Variants in ESR1 observed in about 807,000 individuals in gnomAD.
The protein encoded by ESR1 is estrogen receptor.
In ESR1, 12 loss-of-function variants were observed where a neutral mutation model predicts 52.7. That is an observed-to-expected ratio of 0.23 (90% CI 0.15 to 0.37). The LOEUF (loss-of-function observed/expected upper bound fraction) is 0.37. Among genes scored for constraint, ESR1 ranks in the 10% least tolerant of loss-of-function variants. The pLI, the probability that ESR1 is intolerant of heterozygous loss-of-function variation, is 1.00. For missense variants in ESR1, 584 were observed against 779.7 expected, an observed-to-expected ratio of 0.75 and a Z score of 2.99; for synonymous variants, 305 against 316.8, an observed-to-expected ratio of 0.96 and a Z score of 0.39.
intron 1 of ESR1, among the ~76,000 whole-genome samples, chr6:151,668,323 G>A (rs1777903021): frequency 6.6e-6 from 1 of 151,908 alleles, no homozygotes; most frequent in African/African-American, 2.4e-5. Flanking sequence ...CTGTCACCCA[G>A]GCTGGAGTGC....
chr6:151,838,896 C>A (rs1399953480), intron 1 of ESR1, among the ~76,000 whole-genome samples: 1 of 152,128 alleles, frequency 6.6e-6, no homozygotes, highest in African/African-American at 2.4e-5. Context: ...TGGCATTTTG[C>A]TGACAGCATA....
intron 1 of ESR1, among the ~76,000 whole-genome samples, chr6:151,835,827 G>A (rs894121546): frequency 6.6e-6 from 1 of 151,916 alleles, no homozygotes; most frequent in Non-Finnish European, 1.5e-5. Context: ...TGAGTTTCCC[G>A]GTTTATCACT....
intron 3 of ESR1, among the ~76,000 whole-genome samples, chr6:151,940,099 A>C (rs2034874424): frequency 6.6e-6 from 1 of 152,190 alleles, no homozygotes; most frequent in Non-Finnish European, 1.5e-5. Flanking sequence ...GAGGCCTCAC[A>C]GTCATGGCAG....
chr6:152,127,799 T>C (rs978236625), exon 7 of ESR1: 4 of 152,150 alleles, frequency 2.6e-5, no homozygotes, highest in African/African-American at 9.7e-5. Flanking sequence ...AACTGAGTAG[T>C]GTTTATAGTG....
chr6:151,856,800 C>T (rs781090035), intron 2 of ESR1, among the ~76,000 whole-genome samples: 1 of 152,090 alleles, frequency 6.6e-6, no homozygotes, highest in Non-Finnish European at 1.5e-5. Context: ...GCTGGAAGAG[C>T]AAGGTGTGTG....
At chr6:151,948,676 A>G (rs2035983544) in intron 4 of ESR1, among the ~76,000 whole-genome samples, 2 of 152,072 alleles carry the variant, frequency 1.3e-5, no homozygotes, top group South Asian at 4.1e-4. Flanking sequence ...ACTCCCTGTC[A>G]TTTACTTCAG....
At chr6:151,793,990 T>G (rs1011198483) in intron 2 of ESR1, among the ~76,000 whole-genome samples, 3 of 152,224 alleles carry the variant, frequency 2.0e-5, no homozygotes, top group Admixed American at 1.3e-4. Context: ...TCTGTAGTGA[T>G]AGGCTATTTA....
intron 1 of ESR1, among the ~76,000 whole-genome samples, chr6:151,700,009 C>T (rs958668879): frequency 6.7e-6 from 1 of 150,056 alleles, no homozygotes; most frequent in Non-Finnish European, 1.5e-5. Context: ...GTCCACAGTC[C>T]AAATTTACTG....
chr6:151,670,414 A>G (rs1778008029), intron 1 of ESR1, among the ~76,000 whole-genome samples: 1 of 152,038 alleles, frequency 6.6e-6, no homozygotes, highest in Non-Finnish European at 1.5e-5. Flanking sequence ...GCCTCTCTTC[A>G]CCAACGTATA....
intron 6 of ESR1, among the ~76,000 whole-genome samples, chr6:152,079,170 A>T (rs932215748): frequency 6.6e-6 from 1 of 152,038 alleles, no homozygotes; most frequent in Non-Finnish European, 1.5e-5. Context: ...GAACCAAGAG[A>T]CCGCCACCTC....
chr6:151,856,087 G>T (rs531048051), intron 2 of ESR1, among the ~76,000 whole-genome samples: 274 of 152,238 alleles, frequency 1.8e-3, no homozygotes, highest in Non-Finnish European at 3.2e-3. Context: ...AATCTATTTT[G>T]CATCCAGAGA....
intron 3 of ESR1, among the ~76,000 whole-genome samples, chr6:151,904,554 G>T (rs1226931771): frequency 1.3e-5 from 2 of 152,068 alleles, no homozygotes; most frequent in Non-Finnish European, 2.9e-5. Flanking sequence ...GTTCCATCAT[G>T]AATTTTCCAG....
At chr6:152,059,771 AT>A (rs2047403626) in intron 5 of ESR1, among the ~76,000 whole-genome samples, 1 of 152,202 alleles carries the variant, frequency 6.6e-6, no homozygotes, top group Non-Finnish European at 1.5e-5. Context: ...AAGGATAGTC[AT>A]TGAATGAAAT....
At chr6:151,700,076 T>TG (rs1199785503) in intron 1 of ESR1, among the ~76,000 whole-genome samples, 93 of 143,364 alleles carry the variant, frequency 6.5e-4, no homozygotes, top group African/African-American at 2.1e-3. Flanking sequence ...AGAGGACAAG[T>TG]GAAAAAAAAA....
chr6:151,938,874 G>A (rs1015630724), intron 3 of ESR1, among the ~76,000 whole-genome samples: 1 of 152,190 alleles, frequency 6.6e-6, no homozygotes, highest in South Asian at 2.1e-4. Context: ...CTTACAGTGG[G>A]CTTGCAGGAT....
At chr6:152,039,722 G>T (rs1007162381) in intron 5 of ESR1, among the ~76,000 whole-genome samples, 5 of 152,088 alleles carry the variant, frequency 3.3e-5, no homozygotes, top group African/African-American at 9.7e-5. Context: ...AGCATACACA[G>T]CCTTCTGGAA....
chr6:151,711,772 G>A (rs1361676032), intron 2 of ESR1, among the ~76,000 whole-genome samples: 2 of 152,098 alleles, frequency 1.3e-5, no homozygotes, highest in East Asian at 1.9e-4. Context: ...GAGAGATTAC[G>A]AAATTTTTCC....
chr6:152,008,077 A>G lies in ESR1; in HGVS notation c.1097-3579A>G, dbSNP rs529549173. ...TTTTTCTCCATTGGCTATGAACTGA[A>G]GGCATCTCATGGATATTTATTCCAC... On this transcript the variant is annotated intron_variant, in intron 4 of 7. Transcript: ENST00000206249. Among the ~76,000 whole-genome samples, 20 of 152,210 alleles carry G rather than the reference A, an allele frequency of 1.3e-4. 1 individual carries two copies. In the South Asian group the frequency reaches 3.3e-3, roughly 25 times the overall value.
intron 6 of ESR1, among the ~76,000 whole-genome samples, chr6:152,081,882 G>T (rs1296388770): frequency 6.6e-6 from 1 of 152,100 alleles, no homozygotes; most frequent in Non-Finnish European, 1.5e-5. Context: ...TAGAAGAAAT[G>T]GATAAATTCC....
Sources: gnomAD v4.1 joint callset for allele counts (sites outside exome capture counted in the v4.1 genomes callset) on GRCh38, gnomAD v4.1.1 for gene constraint, MANE v1.5 for transcripts, NCBI Gene and HGNC (gene_info 2026-07-23, HGNC 2026-07-21) for gene names.